The following PALM3 variants were observed in gnomAD, a reference collection of about 807,000 sequenced individuals.
The protein encoded by PALM3 is paralemmin 3.
A neutral mutation model predicts 27.9 loss-of-function variants in PALM3; 20 were observed. That is an observed-to-expected ratio of 0.72 (90% CI 0.50 to 1.04). The LOEUF (loss-of-function observed/expected upper bound fraction) is 1.04. PALM3 is among the 50% of genes least tolerant of loss of function. PALM3 has a pLI of 0.00. For synonymous variants in PALM3, 328 were observed against 352.7 expected, an observed-to-expected ratio of 0.93 and a Z score of 0.79; for missense variants, 814 against 869.4, an observed-to-expected ratio of 0.94 and a Z score of 0.80.
At chr19:14,059,568 AT>A (rs1976381823) in intron 1 of PALM3, among the ~76,000 whole-genome samples, 1 of 152,128 alleles carries the variant, frequency 6.6e-6, no homozygotes, top group South Asian at 2.1e-4. Flanking sequence ...TAATTCCATG[AT>A]GAATAATATG....
rs1976315429 is a variant in PALM3, at chr19:14,056,899, T to C, written c.172-95A>G. ...CTCTGCAGGCTGGGCAGGTATCTTA[T>C]CACCACCTCACAACCAGTTGCGACA... On this transcript the variant is annotated intron_variant, in intron 3 of 6. Transcript: ENST00000669674. The C allele has an allele frequency of 6.3e-6, 8 of 1,277,992 alleles. No homozygotes were observed. In the East Asian group the frequency reaches 1.3e-4, roughly 20 times the overall value. 79.2% of individuals were successfully genotyped at this position (1,277,992 alleles called of 1,614,324 possible). A position where few individuals can be genotyped will look rare whatever the true frequency, so the allele number is the denominator to read the frequency against.
intron 1 of PALM3, among the ~76,000 whole-genome samples, chr19:14,060,944 A>G (rs1012912138): frequency 6.6e-6 from 1 of 152,118 alleles, no homozygotes; most frequent in African/African-American, 2.4e-5. Context: ...TATTTTTAGT[A>G]CAGATGGGGT....
rs897377710 is a variant in PALM3 at position 14,054,204 on chromosome 19, G to A, written c.1468C>T (p.Arg490Ter). Residue 490 changes from arginine to a stop codon, truncating the protein, a stop_gained, in exon 7 of 7, where the codon CGA (arginine) becomes TGA (stop). Transcript: ENST00000669674. LOFTEE classifies it low-confidence loss of function (END_TRUNC). ...RAEKEGDEEK[R>*]GAEEEEVEEP... ...TCTACCTCCTCCTCCTCTGCCCCTC[G>A]CTTTTCCTCATCTCCTTCCTTCTCT... is the stretch of plus-strand genomic sequence containing the variant. 4.5e-6 allele frequency: 7 copies of A among 1,550,832 alleles called. No individual in the cohort carries two copies. The African/African-American group carries it at 5.5e-5, about 12-fold the overall frequency.
intron 2 of PALM3, 150 bp from the exon 3 acceptor site, chr19:14,057,581 G>T: frequency 2.2e-6 from 1 of 463,084 alleles, no homozygotes; most frequent in Non-Finnish European, 3.5e-6. Flanking sequence ...CCCAGCGCGG[G>T]TCTGCACCCA....
At chr19:14,056,589 T>TA in intron 4 of PALM3, 73 bp downstream of exon 4, 2 of 1,550,968 alleles carry the variant, frequency 1.3e-6, no homozygotes, top group Non-Finnish European at 1.7e-6. Flanking sequence ...ACCACCTCCT[T>TA]GGAATGTGCC....
At position 14,061,956 on chromosome 19, in the gene PALM3, A is replaced by G; in HGVS notation, c.25T>C (p.Ser9Pro). Residue 9 changes from serine to proline, a missense_variant, in exon 1 of 7, where the codon TCT becomes CCT. Ser to Pro is a moderately conservative substitution (Grantham distance 74, BLOSUM62 -1). Coordinates refer to ENST00000669674, the MANE Select transcript of PALM3 (RefSeq NM_001145028.2). MALQSQVWSLATPMPMAES... is the reference protein window; with the variant it reads MALQSQVWPLATPMPMAES... ...GACACTTACATGGGTGTGGCCAGAG[A>G]CCACACCTGGCTCTGCAGGGCCATC... 1 of 985,122 alleles carries G rather than the reference A, an allele frequency of 1.0e-6. No homozygotes were observed. The highest frequency in any genetic ancestry group is 4.7e-5 in the South Asian group (1 of 21,274). 61.0% of individuals were successfully genotyped at this position (985,122 alleles called of 1,614,324 possible). A position where few individuals can be genotyped will look rare whatever the true frequency, so the allele number is the denominator to read the frequency against.
Position 14,055,423 on chromosome 19 carries a change from A to T in PALM3, c.402T>A (p.Gly134=). 1 of 1,551,292 alleles carries T rather than the reference A, an allele frequency of 6.4e-7. No homozygotes were observed. The highest frequency in any genetic ancestry group is 1.4e-5 in the African/African-American group (1 of 73,064). Residue 134 remains glycine, a splice_region_variant and synonymous_variant, in exon 6 of 7, where the codon GGT becomes GGA. Transcript: ENST00000669674. ...PSGRPSWRRQ[G]HRPLSQSIVE... is the part of the protein sequence containing the mutation. ...CAATGGACTGGGAGAGAGGACGGTGACCCTGCAGAGATGGCGGAGACAAGG... is the reference window on the plus strand; with the variant it reads ...CAATGGACTGGGAGAGAGGACGGTGTCCCTGCAGAGATGGCGGAGACAAGG...
At position 14,055,082 on chromosome 19, in the gene PALM3, T is replaced by C. The variant is rs1253673625; in HGVS notation, c.590A>G (p.Glu197Gly). ...QVPGAAGDSS[E>G]ANGPCPSPIP... ...GGGGCTGGGGCATGGGCCATTGGCT[T>C]CTGAGGAGTCTCCTGCTGCCCCGGG... The change falls in exon 7 of 7, where the codon GAA becomes GGA. Residue 197 changes from glutamate (E) to glycine (G), a missense_variant. By Grantham distance (98) the Glu-to-Gly change is moderately conservative. Coordinates refer to ENST00000669674, the MANE Select transcript of PALM3 (RefSeq NM_001145028.2). 1 of 1,551,588 alleles carries C rather than the reference T, an allele frequency of 6.4e-7. No homozygotes were observed. Among genetic ancestry groups the C allele is most frequent in the South Asian group, 1.2e-5 (1 of 84,060 alleles).
intron 3 of PALM3, chr19:14,057,027 T>G: frequency 1.7e-6 from 1 of 595,174 alleles, no homozygotes; most frequent in South Asian, 2.1e-5. Context: ...ACTTCCAAAG[T>G]GAAATCAATG....
chr19:14,055,362 A>G lies in PALM3; in HGVS notation c.445+18T>C, dbSNP rs774292408. On this transcript the variant is annotated intron_variant, in intron 6 of 6. Transcript: ENST00000669674. ...CTGGGGTGACCTGACCCCCAGACCT[A>G]GGGGCTCCCACACTTACCTACAGAA... 354 of 1,549,734 alleles carry G rather than the reference A, an allele frequency of 2.3e-4. No homozygotes were observed. The highest frequency in any genetic ancestry group is 3.0e-4 in the Non-Finnish European group (340 of 1,146,664).
At chr19:14,061,627 C>A (rs1976415250) in intron 1 of PALM3, among the ~76,000 whole-genome samples, 1 of 152,176 alleles carries the variant, frequency 6.6e-6, no homozygotes, top group Non-Finnish European at 1.5e-5. Flanking sequence ...AACCCAGTGA[C>A]CCTGACCTTC....
rs891702947 is a variant in PALM3, at chr19:14,055,192, C to T, written c.480G>A (p.Pro160=). 2.5e-5 allele frequency: 38 copies of T among 1,538,618 alleles called. No homozygotes were observed. Among genetic ancestry groups the T allele is most frequent in the Admixed American group, 6.0e-5 (3 of 49,776 alleles). ...CTGGAGGCGTGCCCACTAGTCCAGC[C>T]GGCAGGGAGGCTCTCTTGTTCAGAT... ...QTDLNKRASL[P]AGLVGTPPES... Residue 160 remains proline (P), a synonymous_variant, in exon 7 of 7, where the codon CCG becomes CCA. Coordinates refer to ENST00000669674, the MANE Select transcript of PALM3 (RefSeq NM_001145028.2).
In PALM3 at chr19:14,056,452, C is replaced by T. The variant is rs1057020202; in HGVS notation, c.376G>A (p.Gly126Ser). Residue 126 changes from glycine (G) to serine (S), a missense_variant, in exon 5 of 7, where the codon GGC becomes AGC. Gly to Ser is a moderately conservative substitution (Grantham distance 56, BLOSUM62 0). Coordinates refer to ENST00000669674, the MANE Select transcript of PALM3 (RefSeq NM_001145028.2). ...ACCTGTCTGCGCCAGCTGGGCCTGCCTGAGGGCTTGTGCTGGGCACCTGTG... is the reference window on the plus strand; with the variant it reads ...ACCTGTCTGCGCCAGCTGGGCCTGCTTGAGGGCTTGTGCTGGGCACCTGTG... ...ASTGAQHKPS[G>S]RPSWRRQGHR... is the part of the protein sequence containing the mutation. The T allele has an allele frequency of 6.4e-7, 1 of 1,551,512 alleles. No homozygotes were observed.
chr19:14,055,350 AC>A (rs771101234), intron 6 of PALM3, 29 bp downstream of exon 6: 7 of 1,547,770 alleles, frequency 4.5e-6, no homozygotes, highest in Non-Finnish European at 3.5e-6. Context: ...GGGTGACCTG[AC>A]CCCCAGACCT....
chr19:14,055,195 C>G lies in PALM3; in HGVS notation c.477G>C (p.Leu159=). 1 of 1,537,180 alleles carries G rather than the reference C, an allele frequency of 6.5e-7. No individual in the cohort carries two copies. The highest frequency in any genetic ancestry group is 8.8e-7 in the Non-Finnish European group (1 of 1,140,630). Residue 159 remains leucine, a synonymous_variant, in exon 7 of 7, where the codon CTG becomes CTC. Transcript: ENST00000669674. ...GAGGCGTGCCCACTAGTCCAGCCGG[C>G]AGGGAGGCTCTCTTGTTCAGATCAG... is the stretch of plus-strand genomic sequence containing the variant. ...GQTDLNKRAS[L]PAGLVGTPPE... is the part of the protein sequence containing the mutation.
chr19:14,058,236 C>G (rs1260856230), intron 2 of PALM3, among the ~76,000 whole-genome samples: 1 of 93,552 alleles, frequency 1.1e-5, no homozygotes, highest in Non-Finnish European at 2.1e-5. Flanking sequence ...GGTGGGGGTG[C>G]AGAGAGATGG....
intron 2 of PALM3, among the ~76,000 whole-genome samples, chr19:14,057,825 C>A (rs925419701): frequency 1.5e-4 from 23 of 151,910 alleles, no homozygotes; most frequent in Non-Finnish European, 3.4e-4. Context: ...AGGGAGGGTG[C>A]GGCCGTACGC....
chr19:14,055,492 G>T (rs1044204191), intron 5 of PALM3, 67 bp from the exon 6 acceptor site: 184 of 1,506,772 alleles, frequency 1.2e-4, no homozygotes, highest in Non-Finnish European at 1.6e-4. Context: ...CTGCATGCTA[G>T]GCTCCCACCC....
In PALM3 at chr19:14,053,476, C is replaced by T; in HGVS notation, c.*129G>A. The T allele has an allele frequency of 8.9e-7, 1 of 1,122,930 alleles. No homozygotes were observed. Among genetic ancestry groups the T allele is most frequent in the Non-Finnish European group, 1.2e-6 (1 of 834,942 alleles). 69.6% of individuals were successfully genotyped at this position (1,122,930 alleles called of 1,614,324 possible). A position where few individuals can be genotyped will look rare whatever the true frequency, so the allele number is the denominator to read the frequency against. ...GGAAGCCCAGGTTTAGGTGGACGTGCAGGCTAGCTGGCTCCCAGGTGCCAT... is the reference window on the plus strand; with the variant it reads ...GGAAGCCCAGGTTTAGGTGGACGTGTAGGCTAGCTGGCTCCCAGGTGCCAT... On this transcript the variant is annotated 3_prime_UTR_variant, in exon 7 of 7. Coordinates refer to ENST00000669674, the MANE Select transcript of PALM3 (RefSeq NM_001145028.2).
Sources: allele counts gnomAD v4.1 joint callset (sites outside exome capture counted in the v4.1 genomes callset), GRCh38; gene constraint gnomAD v4.1.1; transcripts MANE v1.5; gene names NCBI Gene and HGNC (gene_info 2026-07-23, HGNC 2026-07-21).